Variants in PALM observed in about 807,000 individuals in gnomAD.
The protein encoded by PALM is paralemmin-1.
Under a neutral mutation model 30.7 loss-of-function variants are expected in PALM, and 18 were observed. The observed-to-expected ratio is 0.59, with a 90% CI of 0.41 to 0.87. The LOEUF (loss-of-function observed/expected upper bound fraction) is 0.87, where lower values mean the gene tolerates loss of function less well. PALM is among the 40% of genes least tolerant of loss of function. The probability of loss-of-function intolerance (pLI) is 0.00; values close to 1 mark genes in which losing one functional copy is unlikely to be tolerated. For synonymous variants in PALM, 286 were observed against 242.8 expected (o/e 1.18, Z -1.66); for missense variants, 529 against 555.4 (o/e 0.95, Z 0.48).
intron 8 of PALM, 149 bp downstream of exon 8, chr19:740,632 C>G: frequency 1.3e-6 from 1 of 742,470 alleles, no homozygotes; most frequent in Non-Finnish European, 2.1e-6. Flanking sequence ...GGGCCTCACC[C>G]CCTGTGGCCC....
chr19:727,561 C>A lies in PALM; in HGVS notation c.139-3C>A, dbSNP rs752054726. ...GACTCTGACCTGGATCCCTGCTGCT[C>A]AGTCCAAGGCACTGCGGGAGCGCTG... On this transcript the variant is annotated splice_region_variant and splice_polypyrimidine_tract_variant and intron_variant, in intron 3 of 8. Coordinates refer to ENST00000338448, the MANE Select transcript of PALM (RefSeq NM_002579.3). The A allele has an allele frequency of 1.9e-6, 3 of 1,585,722 alleles. No homozygotes were observed. Among genetic ancestry groups the A allele is most frequent in the Admixed American group, 1.8e-5 (1 of 55,082 alleles).
chr19:713,148 C>T (rs34802460), intron 1 of PALM, among the ~76,000 whole-genome samples: 43,335 of 151,904 alleles, frequency 0.29, 6,784 homozygotes, highest in East Asian at 0.44. Flanking sequence ...TTTTTGGTAC[C>T]TGTGTCTGGG....
chr19:726,966 A>AC (rs922749758), intron 2 of PALM, 42 bp from the exon 3 acceptor site: 3 of 1,148,848 alleles, frequency 2.6e-6, no homozygotes, highest in South Asian at 1.3e-5. Flanking sequence ...GGTCTCCGGG[A>AC]CCCCCACGCC....
At chr19:739,821 C>G (rs572679565) in intron 7 of PALM, among the ~76,000 whole-genome samples, 54 of 151,870 alleles carry the variant, frequency 3.6e-4, no homozygotes, top group Non-Finnish European at 6.8e-4. Context: ...ACTAAAAATA[C>G]AAAAATTAGC....
chr19:727,261 CAACCTGACCCCGACCCT>C (rs2032712096), intron 3 of PALM, among the ~76,000 whole-genome samples, 173 bp downstream of exon 3: 1 of 89,844 alleles, frequency 1.1e-5, no homozygotes, highest in Non-Finnish European at 2.4e-5. Flanking sequence ...ACCCTGACCC[CAACCTGACCCCGACCCT>C]GACCCCAACC....
chr19:710,651 G>GC lies in PALM; in HGVS notation c.5+1510dup, dbSNP rs763250940. Among the ~76,000 whole-genome samples, 1,121 of 114,108 alleles carry GC rather than the reference G, an allele frequency of 9.8e-3. 6 individuals carry two copies. Among genetic ancestry groups the GC allele is most frequent in the African/African-American group, 0.02 (577 of 28,758 alleles). 74.9% of individuals were successfully genotyped at this position (114,108 alleles called of 152,430 possible). ...TACTGAGGCCCAGAGAGGAGCTGCT[G>GC]CCCCCCCCCCACCCCCCCTCCATCA... On this transcript the variant is annotated intron_variant, in intron 1 of 8. Transcript: ENST00000338448.
chr19:712,219 C>T (rs1352126760), intron 1 of PALM, among the ~76,000 whole-genome samples: 1 of 150,520 alleles, frequency 6.6e-6, no homozygotes, highest in Admixed American at 6.6e-5. Flanking sequence ...GACAGGGTTT[C>T]ACCAGGTTGC....
chr19:734,392 T>A, intron 6 of PALM, 198 bp downstream of exon 6: 1 of 584,732 alleles, frequency 1.7e-6, no homozygotes, highest in East Asian at 3.0e-5. Context: ...AAACTCAGTG[T>A]CTACTGAAAA....
intron 7 of PALM, among the ~76,000 whole-genome samples, chr19:736,730 A>G (rs1241734424): frequency 3.9e-5 from 6 of 152,204 alleles, no homozygotes; most frequent in South Asian, 2.1e-4. Context: ...AACCACTGCT[A>G]TGTGAGTGAG....
At chr19:713,940 TGTC>T (rs1440551649) in intron 1 of PALM, among the ~76,000 whole-genome samples, 1 of 148,092 alleles carries the variant, frequency 6.8e-6, no homozygotes. Flanking sequence ...AGTCTCGCTC[TGTC>T]ACCCAGGCTG....
chr19:740,149 G>A (rs73508319), intron 7 of PALM, among the ~76,000 whole-genome samples: 2,723 of 152,310 alleles, frequency 0.018, 81 homozygotes, highest in African/African-American at 0.061. Context: ...CAGACTGGTC[G>A]TCTCCAGGCA....
At chr19:723,588 GTTGTTTTGTT>G (rs968170682) in intron 1 of PALM, among the ~76,000 whole-genome samples, 6 of 152,004 alleles carry the variant, frequency 3.9e-5, no homozygotes, top group Non-Finnish European at 5.9e-5. Context: ...TTTTCTTTTT[GTTGTTTTGTT>G]TTGTTTTGTT....
chr19:722,143 C>G (rs1189891099), intron 1 of PALM, among the ~76,000 whole-genome samples: 2 of 151,928 alleles, frequency 1.3e-5, no homozygotes, highest in African/African-American at 2.4e-5. Context: ...TGGTCTCGAT[C>G]TCCTGACCTC....
intron 1 of PALM, chr19:722,722 G>T (rs1184771557): frequency 6.6e-6 from 1 of 152,304 alleles, no homozygotes; most frequent in African/African-American, 2.4e-5. Context: ...CCCGTTGCTG[G>T]GGCTGACCGA....
In PALM at chr19:731,119, G is replaced by A. The variant is rs530088247; in HGVS notation, c.294G>A (p.Leu98=). 18 of 1,601,590 alleles carry A rather than the reference G, an allele frequency of 1.1e-5. No individual in the cohort carries two copies. The South Asian group carries it at 2.0e-4, about 18-fold the overall frequency. ...GGTTGGAGAAGGAAATTGAGGTGCT[G>A]GAGCGTGGAGACTCCGCCCCAGCCA... The part of the protein sequence containing the change: ...VSRLEKEIEV[L]ERGDSAPATA... The change falls in exon 5 of 9, where the codon CTG becomes CTA. Residue 98 remains leucine, a synonymous_variant. Coordinates refer to ENST00000338448, the MANE Select transcript of PALM (RefSeq NM_002579.3).
At chr19:720,811 C>G (rs1250724486) in intron 1 of PALM, among the ~76,000 whole-genome samples, 3 of 152,180 alleles carry the variant, frequency 2.0e-5, no homozygotes, top group Non-Finnish European at 4.4e-5. Context: ...CAGCCACACT[C>G]TGTCCCCGGG....
intron 8 of PALM, among the ~76,000 whole-genome samples, chr19:745,988 G>T (rs1198232771): frequency 6.6e-6 from 1 of 152,180 alleles, no homozygotes; most frequent in Non-Finnish European, 1.5e-5. Flanking sequence ...AACCCGGGAG[G>T]TGGAGCTTGC....
At chr19:714,071 A>AT (rs1322726097) in intron 1 of PALM, among the ~76,000 whole-genome samples, 1 of 149,926 alleles carries the variant, frequency 6.7e-6, no homozygotes. Flanking sequence ...CACCCAGCTA[A>AT]TTTTTTTGTA....
chr19:729,993 G>A (rs2032821205), intron 4 of PALM, among the ~76,000 whole-genome samples: 1 of 152,212 alleles, frequency 6.6e-6, no homozygotes, highest in African/African-American at 2.4e-5. Flanking sequence ...GATGGAGGGT[G>A]AAGACCTGGC....
Sources: allele counts gnomAD v4.1 joint callset (sites outside exome capture counted in the v4.1 genomes callset), GRCh38; gene constraint gnomAD v4.1.1; transcripts MANE v1.5; gene names NCBI Gene and HGNC (gene_info 2026-07-23, HGNC 2026-07-21).